The following CRYBG1 variants were observed in gnomAD, a reference collection of about 807,000 sequenced individuals.
CRYBG1 encodes beta/gamma crystallin domain-containing protein 1.
CRYBG1 carries 139 observed loss-of-function variants against 189.2 expected under a neutral mutation model. That is an observed-to-expected ratio of 0.73 (90% CI 0.64 to 0.85). CRYBG1 has a LOEUF of 0.85. Among genes scored for constraint, CRYBG1 ranks in the 40% least tolerant of loss-of-function variants. The pLI is 0.00. For synonymous variants in CRYBG1, 1,023 were observed against 1,017.1 expected (o/e 1.01, Z -0.11); for missense variants, 2,611 against 2,675.8 (o/e 0.98, Z 0.53).
chr6:106,471,439 G>T (rs1485399020), intron 2 of CRYBG1, among the ~76,000 whole-genome samples: 1 of 152,304 alleles, frequency 6.6e-6, no homozygotes, highest in East Asian at 1.9e-4. Flanking sequence ...GATAGCTAAT[G>T]CTGGTCTGGT....
chr6:106,492,028 C>T (rs1319531735), intron 2 of CRYBG1, among the ~76,000 whole-genome samples: 1 of 152,122 alleles, frequency 6.6e-6, no homozygotes, highest in Non-Finnish European at 1.5e-5. Context: ...TTTCTTGGCC[C>T]TCATCTTATT....
At chr6:106,470,066 C>T (rs1336980885) in intron 2 of CRYBG1, among the ~76,000 whole-genome samples, 2 of 152,172 alleles carry the variant, frequency 1.3e-5, no homozygotes, top group African/African-American at 4.8e-5. Flanking sequence ...TTCCCTCCTC[C>T]CTTTGGTCCC....
At chr6:106,451,553 G>A (rs747208449) in intron 1 of CRYBG1, 141 bp from the exon 2 acceptor site, 9 of 811,452 alleles carry the variant, frequency 1.1e-5, no homozygotes, top group Admixed American at 1.0e-4. Flanking sequence ...TATCTACAAC[G>A]CCGTGTAGGT....
intron 2 of CRYBG1, among the ~76,000 whole-genome samples, chr6:106,485,492 T>C (rs1354842618): frequency 2.0e-5 from 3 of 152,222 alleles, no homozygotes; most frequent in Non-Finnish European, 1.5e-5. Flanking sequence ...GATGTATTTC[T>C]TTCTCTTGTC....
intron 4 of CRYBG1, among the ~76,000 whole-genome samples, chr6:106,522,143 G>A (rs1773625203): frequency 6.6e-6 from 1 of 152,196 alleles, no homozygotes. Context: ...CCTATTCTAT[G>A]TAAAAATGCT....
chr6:106,530,571 T>C (rs988459822), intron 8 of CRYBG1, among the ~76,000 whole-genome samples: 1 of 152,156 alleles, frequency 6.6e-6, no homozygotes, highest in Non-Finnish European at 1.5e-5. Flanking sequence ...GCTTTCCTTG[T>C]CACAGAGAAA....
intron 1 of CRYBG1, among the ~76,000 whole-genome samples, chr6:106,425,730 C>A (rs1009033094): frequency 6.6e-6 from 1 of 152,198 alleles, no homozygotes; most frequent in African/African-American, 2.4e-5. Context: ...CTCCCAGGTT[C>A]AAGCAATTCT....
chr6:106,369,022 A>G (rs980389157), intron 1 of CRYBG1, among the ~76,000 whole-genome samples: 2 of 152,238 alleles, frequency 1.3e-5, no homozygotes, highest in East Asian at 3.8e-4. Context: ...GCTTGAAGTA[A>G]TGCTAGTAAT....
Position 106,571,697 on chromosome 6 carries a change from A to G in CRYBG1, c.*3131A>G, listed in dbSNP as rs905497919. Reference sequence around the variant, plus strand: ...CACAGCGAGACCCTGTCTCTAAAACAAAAAAGACAATAAAGTAGTTTAAGC... The same window carrying G: ...CACAGCGAGACCCTGTCTCTAAAACGAAAAAGACAATAAAGTAGTTTAAGC... On this transcript the variant is annotated 3_prime_UTR_variant, in exon 22 of 22. Coordinates refer to ENST00000633556, the MANE Select transcript of CRYBG1 (RefSeq NM_001371242.2). 37 of 297,234 alleles carry G rather than the reference A, an allele frequency of 1.2e-4. 1 individual carries two copies. In the Admixed American group the frequency reaches 1.8e-3, roughly 14 times the overall value. 18.4% of individuals were successfully genotyped at this position (297,234 alleles called of 1,614,324 possible). A position where few individuals can be genotyped will look rare whatever the true frequency, so the allele number is the denominator to read the frequency against.
At chr6:106,469,826 G>A (rs9400009) in intron 2 of CRYBG1, among the ~76,000 whole-genome samples, 9,116 of 152,252 alleles carry the variant, frequency 0.06, 491 homozygotes, top group East Asian at 0.21. Context: ...CATTATTTTT[G>A]TTAGGAAGCA....
At chr6:106,513,935 T>TG (rs1244386335) in intron 3 of CRYBG1, among the ~76,000 whole-genome samples, 1 of 152,230 alleles carries the variant, frequency 6.6e-6, no homozygotes, top group Admixed American at 6.5e-5. Flanking sequence ...CTAGTCACTG[T>TG]GGGGGAAAAA....
Position 106,555,874 on chromosome 6 carries a change from A to C in CRYBG1, c.5692A>C (p.Lys1898Gln), listed in dbSNP as rs1332633973. The change falls in exon 17 of 22, where the codon AAG (lysine) becomes CAG (glutamine). Residue 1898 changes from lysine to glutamine, a missense_variant. This residue lies in a region of CRYBG1 where 1,622 missense variants were observed against 1,735.0 expected (regional missense o/e 0.93). Coordinates refer to ENST00000633556, the MANE Select transcript of CRYBG1 (RefSeq NM_001371242.2). ...AMGCPPGATF[K>Q]SLRFIDVEFS... Reference sequence around the variant, plus strand: ...GGGATGCCCGCCTGGAGCAACTTTCAAGTCTCTTCGTTTTATAGATGTTGT... The same window carrying C: ...GGGATGCCCGCCTGGAGCAACTTTCCAGTCTCTTCGTTTTATAGATGTTGT... 1.2e-6 allele frequency: 2 copies of C among 1,614,186 alleles called. No homozygotes were observed. Among genetic ancestry groups the C allele is most frequent in the East Asian group, 2.2e-5 (1 of 44,882 alleles).
chr6:106,387,607 G>GT (rs1268395836), intron 1 of CRYBG1, among the ~76,000 whole-genome samples: 1 of 152,152 alleles, frequency 6.6e-6, no homozygotes, highest in Non-Finnish European at 1.5e-5. Flanking sequence ...TCCATGCAAA[G>GT]TTTTTTCTAT....
chr6:106,402,494 C>A (rs1179359418), intron 1 of CRYBG1, among the ~76,000 whole-genome samples: 4 of 103,872 alleles, frequency 3.9e-5, no homozygotes, highest in African/African-American at 7.8e-5. Context: ...AATAATGCCA[C>A]ATATCTACAA....
intron 2 of CRYBG1, among the ~76,000 whole-genome samples, chr6:106,497,437 G>T (rs1772876687): frequency 6.6e-6 from 1 of 152,108 alleles, no homozygotes; most frequent in Non-Finnish European, 1.5e-5. Context: ...GGTCTCCATG[G>T]TCTATTTCCT....
intron 8 of CRYBG1, among the ~76,000 whole-genome samples, chr6:106,537,313 C>T (rs554075380): frequency 2.0e-5 from 3 of 152,188 alleles, no homozygotes; most frequent in Admixed American, 1.3e-4. Context: ...TAAACCTGTT[C>T]ACTTGTAAAG....
Position 106,553,482 on chromosome 6 carries a change from C to G in CRYBG1, c.5500C>G (p.Gln1834Glu), listed in dbSNP as rs781398265. 1 of 1,613,106 alleles carries G rather than the reference C, an allele frequency of 6.2e-7. No individual in the cohort carries two copies. Among genetic ancestry groups the G allele is most frequent in the South Asian group, 1.1e-5 (1 of 91,010 alleles). The change falls in exon 16 of 22, where the codon CAA (glutamine) becomes GAA (glutamate). Residue 1834 changes from glutamine (Q) to glutamate (E), a missense_variant. Coordinates refer to ENST00000633556, the MANE Select transcript of CRYBG1 (RefSeq NM_001371242.2). ...TCACTTGTTTTCAGAACCACAGTTT[C>G]AAGGTCACAGTCAAAGTTTTGAAGA... is the stretch of plus-strand genomic sequence containing the variant. ...QIHLFSEPQF[Q>E]GHSQSFEETT... is the part of the protein sequence containing the mutation.
intron 1 of CRYBG1, among the ~76,000 whole-genome samples, chr6:106,370,937 G>C (rs546783233): frequency 9.2e-5 from 14 of 152,156 alleles, no homozygotes; most frequent in East Asian, 7.7e-4. Context: ...AGCACCTATA[G>C]TCTGGTTATT....
chr6:106,384,459 T>C (rs779484904), intron 1 of CRYBG1, among the ~76,000 whole-genome samples: 4 of 152,128 alleles, frequency 2.6e-5, no homozygotes, highest in Non-Finnish European at 5.9e-5. Flanking sequence ...GTAGAATCAG[T>C]GGGAGCCCTA....
Sources: allele counts gnomAD v4.1 joint callset (sites outside exome capture counted in the v4.1 genomes callset), GRCh38; gene constraint gnomAD v4.1.1; regional missense constraint gnomAD v4.1.1; transcripts MANE v1.5; gene names NCBI Gene and HGNC (gene_info 2026-07-23, HGNC 2026-07-21).